CACNA1A: variants seen among roughly 807,000 people sequenced by gnomAD.
CACNA1A encodes the protein voltage-dependent P/Q-type calcium channel subunit alpha-1A.
CACNA1A carries 57 observed loss-of-function variants against 262.4 expected under a neutral mutation model. The ratio of observed to expected loss-of-function variants is 0.22; its 90% CI spans 0.18 to 0.27. CACNA1A has a LOEUF of 0.27. Ranked by LOEUF, CACNA1A falls within the 10% of genes least tolerant of loss-of-function variation. CACNA1A has a pLI of 1.00. For missense variants in CACNA1A, 2,526 were observed against 3,562.8 expected (o/e 0.71, Z 7.41); for synonymous variants, 1,431 against 1,419.3 (o/e 1.01, Z -0.18).
chr19:13,217,047 C>T (rs1391212832), intron 38 of CACNA1A, among the ~76,000 whole-genome samples: 1 of 152,292 alleles, frequency 6.6e-6, no homozygotes, highest in Middle Eastern at 3.4e-3. Context: ...GCATGAGAAT[C>T]GCTTGAACCT....
At chr19:13,222,201 C>A (rs1455973857) in intron 38 of CACNA1A, among the ~76,000 whole-genome samples, 5 of 152,076 alleles carry the variant, frequency 3.3e-5, no homozygotes, top group South Asian at 2.1e-4. Flanking sequence ...GCCACGACAC[C>A]CGGCTAATTT....
At chr19:13,376,550 T>TAA (rs1312369862) in intron 3 of CACNA1A, among the ~76,000 whole-genome samples, 45 of 149,342 alleles carry the variant, frequency 3.0e-4, no homozygotes, top group African/African-American at 1.0e-3. Flanking sequence ...AATATATATA[T>TAA]AATATATAAC....
intron 3 of CACNA1A, among the ~76,000 whole-genome samples, chr19:13,428,570 G>T (rs2060445919): frequency 1.3e-5 from 2 of 152,130 alleles, no homozygotes; most frequent in African/African-American, 4.8e-5. Context: ...ATATTACACG[G>T]ATCATCTCCT....
chr19:13,375,885 C>T (rs1466562200), intron 3 of CACNA1A, among the ~76,000 whole-genome samples: 2 of 152,196 alleles, frequency 1.3e-5, no homozygotes, highest in Admixed American at 6.5e-5. Context: ...AAAAGGGCTA[C>T]TCTAGTAAAC....
At chr19:13,501,327 T>C (rs1376119958) in intron 1 of CACNA1A, among the ~76,000 whole-genome samples, 1 of 151,448 alleles carries the variant, frequency 6.6e-6, no homozygotes, top group Non-Finnish European at 1.5e-5. Context: ...AGACGCACAA[T>C]ACCACGCCTG....
At chr19:13,335,255 T>C (rs2058543374) in intron 7 of CACNA1A, among the ~76,000 whole-genome samples, 1 of 152,186 alleles carries the variant, frequency 6.6e-6, no homozygotes, top group Non-Finnish European at 1.5e-5. Context: ...TTCCTTTTCC[T>C]GTTTGGAACA....
Position 13,214,447 on chromosome 19 carries a change from T to C in CACNA1A, c.5839+54A>G. ...ACTCTCCCCAGGCCTCCCCTTTCCC[T>C]CCCCCTCCATCTGTCCTGGTGGATT... On this transcript the variant is annotated intron_variant, in intron 39 of 46. Coordinates refer to ENST00000360228, the MANE Select transcript of CACNA1A (RefSeq NM_001127222.2). The surrounding 1 kb of genome is among the most constrained non-coding windows in gnomAD (Gnocchi z 4.1). The C allele has an allele frequency of 1.3e-6, 2 of 1,537,858 alleles. No individual in the cohort carries two copies. Among genetic ancestry groups the C allele is most frequent in the Non-Finnish European group, 1.8e-6 (2 of 1,115,070 alleles).
chr19:13,383,218 C>T (rs926648445), intron 3 of CACNA1A, among the ~76,000 whole-genome samples: 1 of 152,166 alleles, frequency 6.6e-6, no homozygotes, highest in East Asian at 1.9e-4. Context: ...TATAGTATGT[C>T]AGACGGTGTG....
chr19:13,369,067 T>C lies in CACNA1A; in HGVS notation c.631+2621A>G, dbSNP rs988907382. ...AAAAAAAAAAAAAAAAAAAATGTAA[T>C]GTGGGTGCTAACAGATGCAGTGTGG... On this transcript the variant is annotated intron_variant, in intron 4 of 46. Transcript: ENST00000360228. 1.6e-4 allele frequency among the ~76,000 whole-genome samples: 23 copies of C among 146,064 alleles called. 1 individual carries two copies. Among genetic ancestry groups the C allele is most frequent in the Non-Finnish European group, 3.0e-5 (2 of 66,552 alleles).
intron 1 of CACNA1A, among the ~76,000 whole-genome samples, chr19:13,501,197 A>AT (rs33960261): frequency 0.66 from 98,633 of 149,080 alleles, 32,657 homozygotes; most frequent in East Asian, 0.73. Flanking sequence ...CAATAAATCT[A>AT]TTTTTTTTTT....
intron 24 of CACNA1A, among the ~76,000 whole-genome samples, chr19:13,267,337 C>T (rs766192162): frequency 5.9e-5 from 9 of 152,172 alleles, no homozygotes; most frequent in East Asian, 1.9e-4. Flanking sequence ...AGGCTCATGG[C>T]GCTGGCCGAT....
Position 13,402,873 on chromosome 19 carries a change from CATATATATATATATATATATATAT to C in CACNA1A, c.540-31118_540-31095del, listed in dbSNP as rs71170507. On this transcript the variant is annotated intron_variant, in intron 3 of 46. Coordinates refer to ENST00000360228, the MANE Select transcript of CACNA1A (RefSeq NM_001127222.2). ...ATATATATATACACACACACACACACATATATATATATATATATATATATATATATATATATATATATACTTGCA... is the reference window on the plus strand; with the variant it reads ...ATATATATATACACACACACACACACATATATATATATATATATACTTGCA... Among the ~76,000 whole-genome samples, 528 of 72,826 alleles carry C rather than the reference CATATATATATATATATATATATAT, an allele frequency of 7.3e-3. 7 individuals are homozygous for C. The highest frequency in any genetic ancestry group is 0.023 in the African/African-American group (487 of 21,004). 47.8% of individuals were successfully genotyped at this position (72,826 alleles called of 152,430 possible).
rs756562814 is a variant in CACNA1A, at chr19:13,308,223, C to T, written c.1810G>A (p.Val604Ile). The T allele has an allele frequency of 1.2e-5, 20 of 1,613,706 alleles. No individual in the cohort carries two copies. The highest frequency in any genetic ancestry group is 3.3e-5 in the South Asian group (3 of 91,044). Residue 604 changes from valine (V) to isoleucine (I), a missense_variant, in exon 14 of 47, where the codon GTC becomes ATC. Val to Ile is a conservative substitution (Grantham distance 29). Coordinates refer to ENST00000360228, the MANE Select transcript of CACNA1A (RefSeq NM_001127222.2). This position sits in a 1 kb window ranked among gnomAD's most constrained non-coding sequence, Gnocchi z 4.2. ...KYWASLRNLV[V>I]SLLNSMKSII... is the part of the protein sequence containing the mutation. ...GACTTCATGGAGTTGAGGAGAGAGACGACCAGGTTTCTGAGAGATGCCCAG... is the reference window on the plus strand; with the variant it reads ...GACTTCATGGAGTTGAGGAGAGAGATGACCAGGTTTCTGAGAGATGCCCAG...
chr19:13,415,966 G>A lies in CACNA1A; in HGVS notation c.539+36910C>T, dbSNP rs561990255. Among the ~76,000 whole-genome samples, 10 of 152,086 alleles carry A rather than the reference G, an allele frequency of 6.6e-5. No individual in the cohort carries two copies. The South Asian group carries it at 8.3e-4, about 13-fold the overall frequency. On this transcript the variant is annotated intron_variant, in intron 3 of 46. Transcript: ENST00000360228. ...TGCTGGTCCCCACAGGCCTCTGAGC[G>A]GTCCTCTCTGATGAAGCTTCCTACG...
intron 11 of CACNA1A, among the ~76,000 whole-genome samples, chr19:13,314,390 T>C (rs2058087856): frequency 6.6e-6 from 1 of 152,174 alleles, no homozygotes; most frequent in Non-Finnish European, 1.5e-5. Flanking sequence ...GTAACAGTAT[T>C]AAGAGGTGGG....
intron 4 of CACNA1A, chr19:13,365,986 T>G (rs2059203617): frequency 6.8e-6 from 1 of 147,766 alleles, no homozygotes; most frequent in Non-Finnish European, 1.5e-5. Flanking sequence ...ATTATTATTA[T>G]TTATTTTATT....
chr19:13,248,409 CAAAAAAAAAAA>C (rs61481896), intron 30 of CACNA1A, among the ~76,000 whole-genome samples: 2 of 58,830 alleles, frequency 3.4e-5, no homozygotes, highest in South Asian at 1.6e-3. Flanking sequence ...GATCCCATCT[CAAAAAAAAAAA>C]AAAAAAAAAA....
chr19:13,210,518 G>C (rs1293846704), intron 44 of CACNA1A, 99 bp downstream of exon 44: 4 of 1,084,494 alleles, frequency 3.7e-6, no homozygotes, highest in Non-Finnish European at 5.4e-6. Flanking sequence ...AAAGGGTGGG[G>C]TCCGGGGACG....
chr19:13,234,458 G>A (rs778766265), intron 34 of CACNA1A, among the ~76,000 whole-genome samples: 8 of 151,532 alleles, frequency 5.3e-5, no homozygotes, highest in Non-Finnish European at 1.2e-4. Flanking sequence ...CAAGCCTCAC[G>A]GTCTGTAAGC....
Sources: gnomAD v4.1 joint callset for allele counts (sites outside exome capture counted in the v4.1 genomes callset) on GRCh38, gnomAD v4.1.1 for gene constraint, Gnocchi (gnomAD v3.1) non-coding constraint, MANE v1.5 for transcripts, NCBI Gene and HGNC (gene_info 2026-07-23, HGNC 2026-07-21) for gene names.